DIXDC1: variants seen among roughly 807,000 people sequenced by gnomAD.
DIXDC1 encodes the protein dixin.
In DIXDC1, 64 loss-of-function variants were observed where a neutral mutation model predicts 103.1. That is an observed-to-expected ratio of 0.62 (90% confidence interval 0.51 to 0.76). The LOEUF is 0.76. DIXDC1 is among the 30% of genes least tolerant of loss of function. The probability of loss-of-function intolerance (pLI) is 0.00; values close to 1 mark genes in which losing one functional copy is unlikely to be tolerated. For missense variants in DIXDC1, 759 were observed against 834.2 expected, an observed-to-expected ratio of 0.91 and a Z score of 1.11; for synonymous variants, 266 against 298.5, an observed-to-expected ratio of 0.89 and a Z score of 1.12.
In DIXDC1 at chr11:111,940,122, A is replaced by G. The variant is rs76780627; in HGVS notation, c.60+2563A>G. Among the ~76,000 whole-genome samples the G allele has an allele frequency of 6.9e-3, 1,044 of 152,242 alleles. 5 individuals are homozygous for G. The highest frequency in any genetic ancestry group is 0.051 in the Middle Eastern group (15 of 294). Reference sequence around the variant, plus strand: ...TAAGGGAACCCTGCAGCAGAGAGAAACCCTGCCCTCTGAATCCTGGCTTCC... The same window carrying G: ...TAAGGGAACCCTGCAGCAGAGAGAAGCCCTGCCCTCTGAATCCTGGCTTCC... On this transcript the variant is annotated intron_variant, in intron 1 of 19. Transcript: ENST00000440460.
chr11:111,940,487 C>T (rs1966382308), intron 1 of DIXDC1, among the ~76,000 whole-genome samples: 1 of 152,108 alleles, frequency 6.6e-6, no homozygotes, highest in African/African-American at 2.4e-5. Flanking sequence ...TGGTGTTGTC[C>T]TATGAATGTT....
chr11:111,994,476 CAT>C lies in DIXDC1; in HGVS notation c.1438-535_1438-534del, dbSNP rs139822510. Among the ~76,000 whole-genome samples, 662 of 150,922 alleles carry C rather than the reference CAT, an allele frequency of 4.4e-3. 3 individuals carry two copies. Among genetic ancestry groups the C allele is most frequent in the African/African-American group, 0.015 (624 of 41,076 alleles). On this transcript the variant is annotated intron_variant, in intron 14 of 19. Coordinates refer to ENST00000440460, the MANE Select transcript of DIXDC1 (RefSeq NM_001037954.4). The stretch of plus-strand genomic sequence containing the variant: ...ACATACACACATATACACATATATA[CAT>C]ATATATACACACACATATATACATA...
At chr11:111,931,100 TG>T (rs1966000830) in intron 2 of DIXDC1, among the ~76,000 whole-genome samples, 1 of 151,844 alleles carries the variant, frequency 6.6e-6, no homozygotes, top group Non-Finnish European at 1.5e-5. Flanking sequence ...ATGATCTACC[TG>T]CCTCGGCCTC....
intron 5 of DIXDC1, among the ~76,000 whole-genome samples, chr11:111,979,351 G>A (rs1555173016): frequency 6.6e-6 from 1 of 152,118 alleles, no homozygotes; most frequent in Non-Finnish European, 1.5e-5. Flanking sequence ...GTGAGGATTC[G>A]CCTGGGAGAC....
chr11:111,994,545 ATATG>A (rs1404260742), intron 14 of DIXDC1, among the ~76,000 whole-genome samples: 3 of 151,254 alleles, frequency 2.0e-5, no homozygotes, highest in Admixed American at 6.6e-5. Flanking sequence ...GTGTATATGT[ATATG>A]TATGTATATA....
In DIXDC1 at chr11:112,001,903, C is replaced by T. The variant is rs139431732; in HGVS notation, c.1756+5757C>T. Among the ~76,000 whole-genome samples, 1,329 of 151,998 alleles carry T rather than the reference C, an allele frequency of 8.7e-3. 10 individuals are homozygous for T. Among genetic ancestry groups the T allele is most frequent in the African/African-American group, 0.029 (1,219 of 41,456 alleles). Reference sequence around the variant, plus strand: ...TCCCAAGTAGCTGGGATTATACATGCCCACCACCACACCTGGCTAATTTTT... The same window carrying T: ...TCCCAAGTAGCTGGGATTATACATGTCCACCACCACACCTGGCTAATTTTT... On this transcript the variant is annotated intron_variant, in intron 17 of 19. Transcript: ENST00000440460.
intron 1 of DIXDC1, among the ~76,000 whole-genome samples, chr11:111,959,091 C>G (rs1329525170): frequency 6.6e-6 from 1 of 152,208 alleles, no homozygotes; most frequent in African/African-American, 2.4e-5. Flanking sequence ...TCCACTTACC[C>G]ACATACCTCA....
At chr11:112,018,701 G>A (rs1284497462) in intron 19 of DIXDC1, among the ~76,000 whole-genome samples, 1 of 152,102 alleles carries the variant, frequency 6.6e-6, no homozygotes. Flanking sequence ...AGTACTTTGT[G>A]ATTGGTAATT....
intron 2 of DIXDC1, among the ~76,000 whole-genome samples, chr11:111,930,410 G>T (rs1177141533): frequency 6.6e-6 from 1 of 152,066 alleles, no homozygotes; most frequent in Non-Finnish European, 1.5e-5. Context: ...CTTCTGAGTA[G>T]CTGGGACTAC....
chr11:111,977,076 C>G lies in DIXDC1; in HGVS notation c.656+2093C>G, dbSNP rs963049336. Reference sequence around the variant, plus strand: ...AGCCCTCCTCGTGATTCTGCCGATACGCGGCTCTTCCCCTGCCTATCCTGA... The same window carrying G: ...AGCCCTCCTCGTGATTCTGCCGATAGGCGGCTCTTCCCCTGCCTATCCTGA... On this transcript the variant is annotated intron_variant, in intron 5 of 19. Transcript: ENST00000440460. This position sits in a 1 kb window ranked among gnomAD's most constrained non-coding sequence, Gnocchi z 6.1. 5.7e-6 allele frequency: 1 copy of G among 176,892 alleles called. No homozygotes were observed. The highest frequency in any genetic ancestry group is 2.4e-5 in the African/African-American group (1 of 41,896). 11.0% of individuals were successfully genotyped at this position (176,892 alleles called of 1,614,324 possible). A position where few individuals can be genotyped will look rare whatever the true frequency, so the allele number is the denominator to read the frequency against.
intron 16 of DIXDC1, 60 bp from the exon 17 acceptor site, chr11:111,996,020 A>G (rs1405122074): frequency 6.6e-7 from 1 of 1,512,030 alleles, no homozygotes; most frequent in Non-Finnish European, 9.1e-7. Flanking sequence ...TATGATTTAA[A>G]TTTCTTGGTT....
intron 19 of DIXDC1, among the ~76,000 whole-genome samples, chr11:112,018,343 C>T (rs1446691925): frequency 3.3e-5 from 5 of 152,282 alleles, no homozygotes; most frequent in South Asian, 2.1e-4. Context: ...TCTTAGCCTA[C>T]GCGTCTCTTT....
chr11:111,995,687 T>A, intron 16 of DIXDC1, 123 bp downstream of exon 16: 1 of 1,284,790 alleles, frequency 7.8e-7, no homozygotes, highest in East Asian at 2.4e-5. Flanking sequence ...TAGAGTTGTT[T>A]TTCTCTATTG....
intron 5 of DIXDC1, chr11:111,975,391 G>A (rs1177368224): frequency 9.7e-7 from 1 of 1,034,646 alleles, no homozygotes; most frequent in African/African-American, 1.7e-5. Context: ...GCTCATAGAA[G>A]AGAAGAAATT....
At chr11:112,004,130 G>A (rs1555176352) in intron 17 of DIXDC1, among the ~76,000 whole-genome samples, 1 of 150,268 alleles carries the variant, frequency 6.7e-6, no homozygotes, top group African/African-American at 2.4e-5. Context: ...ATATATGTGT[G>A]TGTATATATA....
intron 1 of DIXDC1, among the ~76,000 whole-genome samples, chr11:111,940,515 G>T (rs916530091): frequency 4.6e-5 from 7 of 151,970 alleles, no homozygotes; most frequent in Non-Finnish European, 8.8e-5. Context: ...TGCCAATATG[G>T]ATTTCTGCAA....
intron 14 of DIXDC1, among the ~76,000 whole-genome samples, chr11:111,994,291 G>A (rs1311677390): frequency 6.6e-6 from 1 of 152,124 alleles, no homozygotes; most frequent in African/African-American, 2.4e-5. Context: ...AGGAGGCTGA[G>A]GCAGGAGAAT....
chr11:111,950,459 T>A (rs1555169850), intron 1 of DIXDC1, among the ~76,000 whole-genome samples: 1 of 77,538 alleles, frequency 1.3e-5, no homozygotes, highest in Admixed American at 1.4e-4. Context: ...TTTTTTTTTT[T>A]TTTTTTTTTT....
chr11:111,975,086 C>A (rs1019142213), intron 5 of DIXDC1, 103 bp downstream of exon 5: 11 of 1,527,254 alleles, frequency 7.2e-6, no homozygotes, highest in African/African-American at 1.4e-5. Flanking sequence ...TTTTTCTCCC[C>A]TCAGTTTATG....
Sources: allele counts gnomAD v4.1 joint callset (sites outside exome capture counted in the v4.1 genomes callset), GRCh38; gene constraint gnomAD v4.1.1; non-coding constraint Gnocchi (gnomAD v3.1); transcripts MANE v1.5; gene names NCBI Gene and HGNC (gene_info 2026-07-23, HGNC 2026-07-21).